The following NPPA variants were observed in gnomAD, a reference collection of about 807,000 sequenced individuals.
The protein encoded by NPPA is natriuretic peptides A.
NPPA carries 10 observed loss-of-function variants against 12.2 expected under a neutral mutation model. That is an observed-to-expected ratio of 0.82 (90% CI 0.50 to 1.38). The LOEUF is 1.38. NPPA is among the 40% of genes most tolerant of loss of function. The probability of loss-of-function intolerance (pLI) is 0.00; values close to 1 mark genes in which losing one functional copy is unlikely to be tolerated. For synonymous variants in NPPA, 85 were observed against 80.2 expected, an observed-to-expected ratio of 1.06 and a Z score of -0.32; for missense variants, 207 against 193.5, an observed-to-expected ratio of 1.07 and a Z score of -0.41.
chr1:11,845,827 A>G lies in NPPA; in HGVS notation c.*182T>C, dbSNP rs982331259. ...GGAGAGGCGAGGAAGTCACCATCAA[A>G]CCACTTTATCTACAGTTAGCATAAG... On this transcript the variant is annotated 3_prime_UTR_variant, in exon 3 of 3. Transcript: ENST00000376480. 7 of 673,964 alleles carry G rather than the reference A, an allele frequency of 1.0e-5. No homozygotes were observed. The highest frequency in any genetic ancestry group is 3.6e-5 in the African/African-American group (2 of 55,966). 41.7% of individuals were successfully genotyped at this position (673,964 alleles called of 1,614,324 possible).
rs747690078 is a variant in NPPA, at chr1:11,847,596, T to A, written c.89A>T (p.Asn30Ile). 1 of 1,614,080 alleles carries A rather than the reference T, an allele frequency of 6.2e-7. No individual in the cohort carries two copies. The highest frequency in any genetic ancestry group is 1.1e-5 in the South Asian group (1 of 91,068). ...CATCAGGTCTGCGTTGGACACGGCA[T>A]TGTACATGGGATTAGCTCTGGTCTG... ...LGQTRANPMYNAVSNADLMDF... is the reference protein window; with the variant it reads ...LGQTRANPMYIAVSNADLMDF... The change falls in exon 1 of 3, where the codon AAT becomes ATT. Residue 30 changes from asparagine (N) to isoleucine (I), a missense_variant. Asn to Ile is a moderately radical substitution (Grantham distance 149, BLOSUM62 -3). Coordinates refer to ENST00000376480, the MANE Select transcript of NPPA (RefSeq NM_006172.4).
chr1:11,847,222 TTGCTTTTTAGGAGGGCAGA>T lies in NPPA; in HGVS notation c.322_340del (p.Ala109Ter). On this transcript the variant is annotated frameshift_variant, in exon 2 of 3. Coordinates refer to ENST00000376480, the MANE Select transcript of NPPA (RefSeq NM_006172.4). LOFTEE classifies it high-confidence loss of function. The stretch of plus-strand genomic sequence containing the variant: ...AGGGGCAGTGAGCAGCGCCCTCAGC[TTGCTTTTTAGGAGGGCAGA>T]TCGATCAGAGGAGTCCCAGGGGCCC... 6.2e-7 allele frequency: 1 copy of T among 1,612,142 alleles called. No homozygotes were observed. The highest frequency in any genetic ancestry group is 8.5e-7 in the Non-Finnish European group (1 of 1,178,434).
chr1:11,846,086 T>C (rs1645066659), intron 2 of NPPA, 72 bp from the exon 3 acceptor site: 1 of 1,505,782 alleles, frequency 6.6e-7, no homozygotes. Context: ...CATGTATGAG[T>C]GTGCCCATCC....
In NPPA at chr1:11,847,767, A is replaced by G. The variant is rs1645080323; in HGVS notation, c.-83T>C. On this transcript the variant is annotated 5_prime_UTR_variant, in exon 1 of 3. Transcript: ENST00000376480. The stretch of plus-strand genomic sequence containing the variant: ...CTCTCTGGTTCCCCTCTCTTGGCCT[A>G]CGTCTGTCCCTGTCTCCCAGCTGCC... 3 of 1,600,898 alleles carry G rather than the reference A, an allele frequency of 1.9e-6. No individual in the cohort carries two copies. The highest frequency in any genetic ancestry group is 2.6e-6 in the Non-Finnish European group (3 of 1,170,482).
chr1:11,845,826 A>C lies in NPPA; in HGVS notation c.*183T>G. ...GGGAGAGGCGAGGAAGTCACCATCAAACCACTTTATCTACAGTTAGCATAA... is the reference window on the plus strand; with the variant it reads ...GGGAGAGGCGAGGAAGTCACCATCACACCACTTTATCTACAGTTAGCATAA... On this transcript the variant is annotated 3_prime_UTR_variant, in exon 3 of 3. Transcript: ENST00000376480. The C allele has an allele frequency of 4.5e-6, 3 of 672,672 alleles. No homozygotes were observed. The highest frequency in any genetic ancestry group is 8.2e-6 in the Non-Finnish European group (3 of 366,844). The allele number at this position is 672,672 out of a possible 1,614,324, so 41.7% of individuals were successfully genotyped here.
Position 11,847,590 on chromosome 1 carries a change from A to G in NPPA, c.95T>C (p.Val32Ala). Residue 32 changes from valine to alanine, a missense_variant, in exon 1 of 3, where the codon GTG (valine) becomes GCG (alanine). Transcript: ENST00000376480. ...QTRANPMYNA[V>A]SNADLMDFKN... ...GAAATCCATCAGGTCTGCGTTGGAC[A>G]CGGCATTGTACATGGGATTAGCTCT... The G allele has an allele frequency of 6.2e-7, 1 of 1,614,144 alleles. No homozygotes were observed. Among genetic ancestry groups the G allele is most frequent in the Non-Finnish European group, 8.5e-7 (1 of 1,180,012 alleles).
rs1645080070 is a variant in NPPA at position 11,847,724 on chromosome 1, GTC to G, written c.-42_-41del. On this transcript the variant is annotated 5_prime_UTR_variant, in exon 1 of 3. Transcript: ENST00000376480. Reference sequence around the variant, plus strand: ...GGAGCAATCCACTGCTTGCTGCTCTGTCTCTCCCCTCTGGTTCCTCTCTGGTT... The same window carrying G: ...GGAGCAATCCACTGCTTGCTGCTCTGTCTCCCCTCTGGTTCCTCTCTGGTT... The G allele has an allele frequency of 6.2e-7, 1 of 1,613,390 alleles. No homozygotes were observed. Among genetic ancestry groups the G allele is most frequent in the Non-Finnish European group, 8.5e-7 (1 of 1,179,992 alleles).
rs772104828 is a variant in NPPA, at chr1:11,847,244, G to T, written c.319C>A (p.Arg107=). 1.9e-6 allele frequency: 3 copies of T among 1,613,522 alleles called. No homozygotes were observed. Among genetic ancestry groups the T allele is most frequent in the South Asian group, 1.1e-5 (1 of 91,072 alleles). The part of the protein sequence containing the change: ...LGRGPWDSSD[R]SALLKSKLRA... ...AGCTTGCTTTTTAGGAGGGCAGATC[G>T]ATCAGAGGAGTCCCAGGGGCCCCGC... The change falls in exon 2 of 3, where the codon CGA becomes AGA. Residue 107 remains arginine, a synonymous_variant. Transcript: ENST00000376480.
chr1:11,847,765 CT>C lies in NPPA; in HGVS notation c.-82del. 6.2e-7 allele frequency: 1 copy of C among 1,602,630 alleles called. No homozygotes were observed. Among genetic ancestry groups the C allele is most frequent in the Non-Finnish European group, 8.5e-7 (1 of 1,171,860 alleles). On this transcript the variant is annotated 5_prime_UTR_variant, in exon 1 of 3. Coordinates refer to ENST00000376480, the MANE Select transcript of NPPA (RefSeq NM_006172.4). ...TCCTCTCTGGTTCCCCTCTCTTGGC[CT>C]ACGTCTGTCCCTGTCTCCCAGCTGC...
rs952670905 is a variant in NPPA at position 11,845,714 on chromosome 1, C to G, written c.*295G>C. Reference sequence around the variant, plus strand: ...AAAGCACACCAACGCAGGCATTTGTCTTCTGTCCATGGTGCTGAAGTTTAT... The same window carrying G: ...AAAGCACACCAACGCAGGCATTTGTGTTCTGTCCATGGTGCTGAAGTTTAT... On this transcript the variant is annotated 3_prime_UTR_variant, in exon 3 of 3. Coordinates refer to ENST00000376480, the MANE Select transcript of NPPA (RefSeq NM_006172.4). 1.1e-4 allele frequency: 49 copies of G among 430,122 alleles called. No individual in the cohort carries two copies. Among genetic ancestry groups the G allele is most frequent in the Admixed American group, 8.4e-4 (24 of 28,410 alleles). The allele number at this position is 430,122 out of a possible 1,614,324, so 26.6% of individuals were successfully genotyped here. A position where few individuals can be genotyped will look rare whatever the true frequency, so the allele number is the denominator to read the frequency against.
chr1:11,846,150 T>C, intron 2 of NPPA, 136 bp from the exon 3 acceptor site: 2 of 834,860 alleles, frequency 2.4e-6, no homozygotes, highest in African/African-American at 1.7e-5. Context: ...CCCAGCCTGA[T>C]GACCCTCTGA....
intron 2 of NPPA, 146 bp downstream of exon 2, chr1:11,846,967 A>ATGGG: frequency 4.4e-6 from 2 of 451,198 alleles, no homozygotes; most frequent in Non-Finnish European, 7.5e-6. Flanking sequence ...AGGACAATAG[A>ATGGG]TGGCATGTCC....
intron 2 of NPPA, 85 bp downstream of exon 2, chr1:11,847,028 G>A (rs1645073488): frequency 7.8e-7 from 1 of 1,276,690 alleles, no homozygotes; most frequent in Non-Finnish European, 1.1e-6. Context: ...GAGAGGGAAT[G>A]AGCTTCTGCA....
chr1:11,847,142 G>T lies in NPPA; in HGVS notation c.421C>A (p.Gln141Lys). 1 of 1,561,846 alleles carries T rather than the reference G, an allele frequency of 6.4e-7. No individual in the cohort carries two copies. The highest frequency in any genetic ancestry group is 8.7e-7 in the Non-Finnish European group (1 of 1,152,734). Residue 141 changes from glutamine (Q) to lysine (K), a missense_variant, in exon 2 of 3, where the codon CAG becomes AAG. Gln to Lys is a moderately conservative substitution (Grantham distance 53). Coordinates refer to ENST00000376480, the MANE Select transcript of NPPA (RefSeq NM_006172.4). ...AAGCTGTTACAGCCCAGTCCGCTCT[G>T]GGCTCCAATCCTGTCCATCCTGCCC... The part of the protein sequence containing the change: ...FGGRMDRIGA[Q>K]SGLGCNSFRY
intron 1 of NPPA, 22 bp downstream of exon 1, chr1:11,847,540 G>A (rs773925860): frequency 1.2e-6 from 2 of 1,614,206 alleles, no homozygotes; most frequent in African/African-American, 1.3e-5. Flanking sequence ...GCCCCAGACT[G>A]CACCCGCTTT....
Position 11,846,913 on chromosome 1 carries a change from C to A in NPPA, c.450+200G>T, listed in dbSNP as rs972095312. ...ACAGGCGTGAGCCACTGTGCCCAGC[C>A]CCCCCCCCTTTTTTTTTTAAGCATT... On this transcript the variant is annotated intron_variant, in intron 2 of 2. Coordinates refer to ENST00000376480, the MANE Select transcript of NPPA (RefSeq NM_006172.4). 6.5e-4 allele frequency among the ~76,000 whole-genome samples: 40 copies of A among 61,748 alleles called. 1 individual carries two copies. Among genetic ancestry groups the A allele is most frequent in the South Asian group, 5.9e-4 (1 of 1,690 alleles). 40.5% of individuals were successfully genotyped at this position (61,748 alleles called of 152,430 possible).
chr1:11,846,976 C>A (rs1490426517), intron 2 of NPPA, 137 bp downstream of exon 2: 13 of 490,546 alleles, frequency 2.7e-5, no homozygotes, highest in Admixed American at 6.4e-5. Flanking sequence ...GATGGCATGT[C>A]CTGACACCCA....
Position 11,847,440 on chromosome 1 carries a change from C to G in NPPA, c.124-1G>C. The G allele has an allele frequency of 6.2e-7, 1 of 1,614,106 alleles. No individual in the cohort carries two copies. The highest frequency in any genetic ancestry group is 1.1e-5 in the South Asian group (1 of 91,084). On this transcript the variant is annotated splice_acceptor_variant, in intron 1 of 2. Coordinates refer to ENST00000376480, the MANE Select transcript of NPPA (RefSeq NM_006172.4). LOFTEE classifies it high-confidence loss of function. ...TTTCTTCCAAATGGTCCAGCAAATT[C>G]TTTAGAAAAGGAAAATACAGGGAAA...
Position 11,845,779 on chromosome 1 carries a change from C to T in NPPA, c.*230G>A. ...CTTTCAGTAACAGGTGAGGTTCTAC[C>T]TTAAAATTTAATGCATGGGGTGGGA... On this transcript the variant is annotated 3_prime_UTR_variant, in exon 3 of 3. Coordinates refer to ENST00000376480, the MANE Select transcript of NPPA (RefSeq NM_006172.4). 1 of 594,602 alleles carries T rather than the reference C, an allele frequency of 1.7e-6. No individual in the cohort carries two copies. The allele number at this position is 594,602 out of a possible 1,614,324, so 36.8% of individuals were successfully genotyped here.
Sources: allele counts gnomAD v4.1 joint callset (sites outside exome capture counted in the v4.1 genomes callset), GRCh38; gene constraint gnomAD v4.1.1; transcripts MANE v1.5; gene names NCBI Gene and HGNC (gene_info 2026-07-23, HGNC 2026-07-21).